The following CCDC178 variants were observed in gnomAD, a reference collection of about 807,000 sequenced individuals.
CCDC178 encodes the protein coiled-coil domain-containing protein 178.
Under a neutral mutation model 117.4 loss-of-function variants are expected in CCDC178, and 126 were observed. That is an observed-to-expected ratio of 1.07 (90% confidence interval 0.93 to 1.24). The LOEUF is 1.24. CCDC178 is among the 50% of genes most tolerant of loss of function. CCDC178 has a pLI of 0.00. For missense variants in CCDC178, 1,030 were observed against 986.9 expected, an observed-to-expected ratio of 1.04 and a Z score of -0.59; for synonymous variants, 283 against 313.4, an observed-to-expected ratio of 0.90 and a Z score of 1.02.
At chr18:33,438,603 C>T (rs1457477975) in intron 2 of CCDC178, among the ~76,000 whole-genome samples, 1 of 151,806 alleles carries the variant, frequency 6.6e-6, no homozygotes, top group Non-Finnish European at 1.5e-5. Context: ...CATGAAGTTA[C>T]CATGGCCATT....
chr18:33,372,897 C>G (rs909914860), intron 5 of CCDC178, among the ~76,000 whole-genome samples: 1 of 152,106 alleles, frequency 6.6e-6, no homozygotes, highest in African/African-American at 2.4e-5. Flanking sequence ...TACGTTACCC[C>G]AATTATTCTA....
chr18:33,300,490 G>A (rs1216429109), intron 11 of CCDC178, among the ~76,000 whole-genome samples: 1 of 152,134 alleles, frequency 6.6e-6, no homozygotes, highest in Non-Finnish European at 1.5e-5. Context: ...GGTGAGAGAA[G>A]GTTTGGAACT....
intron 20 of CCDC178, among the ~76,000 whole-genome samples, chr18:33,158,876 C>G (rs547739534): frequency 9.9e-5 from 15 of 152,098 alleles, no homozygotes; most frequent in African/African-American, 3.4e-4. Flanking sequence ...ATGGAAGACC[C>G]AGGCTTACCT....
chr18:33,312,536 C>T (rs2062357238), intron 11 of CCDC178, among the ~76,000 whole-genome samples: 1 of 152,104 alleles, frequency 6.6e-6, no homozygotes, highest in Non-Finnish European at 1.5e-5. Context: ...CGAGGAATTG[C>T]CCTAGGAGTA....
chr18:33,086,393 CATGT>C lies in CCDC178; in HGVS notation c.2388+6364_2388+6367del, dbSNP rs199934661. On this transcript the variant is annotated intron_variant, in intron 21 of 22. Coordinates refer to ENST00000383096, the MANE Select transcript of CCDC178 (RefSeq NM_001105528.4). Reference sequence around the variant, plus strand: ...TGTTTTATATATATGTACATATATACATGTATGTATATATACATATATAAATATA... The same window carrying C: ...TGTTTTATATATATGTACATATATACATGTATATATACATATATAAATATA... Among the ~76,000 whole-genome samples the C allele has an allele frequency of 6.0e-3, 898 of 149,808 alleles. 12 individuals are homozygous for C. Among genetic ancestry groups the C allele is most frequent in the African/African-American group, 0.021 (843 of 40,820 alleles).
chr18:33,347,415 T>C (rs1426414606), intron 8 of CCDC178, among the ~76,000 whole-genome samples: 3 of 152,170 alleles, frequency 2.0e-5, no homozygotes, highest in Non-Finnish European at 4.4e-5. Flanking sequence ...CCATTGGACT[T>C]GTCAAAGAAA....
At chr18:33,021,051 T>A (rs2056106446) in intron 21 of CCDC178, among the ~76,000 whole-genome samples, 3 of 152,162 alleles carry the variant, frequency 2.0e-5, no homozygotes. Context: ...CAAAAGCTAC[T>A]GCAATAAGGC....
At chr18:33,359,494 C>G (rs2063098930) in intron 6 of CCDC178, among the ~76,000 whole-genome samples, 1 of 151,452 alleles carries the variant, frequency 6.6e-6, no homozygotes. Flanking sequence ...CAGAGAAGGC[C>G]TACAATTCCA....
At chr18:33,186,299 T>C (rs2058794029) in intron 20 of CCDC178, among the ~76,000 whole-genome samples, 1 of 152,076 alleles carries the variant, frequency 6.6e-6, no homozygotes, top group African/African-American at 2.4e-5. Flanking sequence ...TGTGTGTGTG[T>C]GTATTTTAAA....
Position 33,346,327 on chromosome 18 carries a change from C to T in CCDC178, c.542G>A (p.Arg181Gln), listed in dbSNP as rs779422806. ...IRLIKSLETD[R>Q]ADAEEALKQQ... ...TTTTAAAGCTTCTTCAGCGTCTGCC[C>T]GGTCAGTTTCTAGACTTTTAATGAG... Residue 181 changes from arginine to glutamine, a missense_variant, in exon 9 of 23, where the codon CGG (arginine) becomes CAG (glutamine). By Grantham distance (43) the Arg-to-Gln change is conservative. Transcript: ENST00000383096. The T allele has an allele frequency of 2.7e-5, 43 of 1,613,150 alleles. No homozygotes were observed. Among genetic ancestry groups the T allele is most frequent in the African/African-American group, 2.3e-4 (17 of 74,846 alleles).
intron 21 of CCDC178, among the ~76,000 whole-genome samples, chr18:33,046,079 T>C (rs76978438): frequency 0.092 from 14,020 of 152,018 alleles, 901 homozygotes; most frequent in African/African-American, 0.18. Context: ...AAATAAAAAG[T>C]CTTATAATAT....
At chr18:32,977,703 T>A (rs915995369) in intron 21 of CCDC178, among the ~76,000 whole-genome samples, 4 of 152,196 alleles carry the variant, frequency 2.6e-5, no homozygotes, top group Non-Finnish European at 4.4e-5. Flanking sequence ...AAAAGTCACC[T>A]ACAGCAAAAT....
chr18:33,233,272 C>T (rs1455245648), intron 15 of CCDC178, among the ~76,000 whole-genome samples: 5 of 152,026 alleles, frequency 3.3e-5, no homozygotes, highest in Non-Finnish European at 7.4e-5. Flanking sequence ...GAATTGCTTT[C>T]CAGAAAGCTC....
intron 21 of CCDC178, among the ~76,000 whole-genome samples, chr18:33,088,815 G>A (rs139155629): frequency 6.6e-6 from 1 of 152,158 alleles, no homozygotes; most frequent in East Asian, 1.9e-4. Context: ...CATAGCATAT[G>A]CTTATCTGCA....
At chr18:33,077,130 A>G (rs2057222557) in intron 21 of CCDC178, among the ~76,000 whole-genome samples, 1 of 152,248 alleles carries the variant, frequency 6.6e-6, no homozygotes, top group Non-Finnish European at 1.5e-5. Flanking sequence ...AGATATTTAT[A>G]ATTGAAATAC....
chr18:33,122,175 G>C (rs1251082586), intron 20 of CCDC178, among the ~76,000 whole-genome samples: 1 of 152,072 alleles, frequency 6.6e-6, no homozygotes, highest in Non-Finnish European at 1.5e-5. Context: ...TATACATTTT[G>C]CAAAAAGCTA....
At chr18:33,050,143 T>C (rs1300912849) in intron 21 of CCDC178, among the ~76,000 whole-genome samples, 1 of 152,150 alleles carries the variant, frequency 6.6e-6, no homozygotes, top group East Asian at 1.9e-4. Flanking sequence ...TATTTATTTG[T>C]TTAATTTGTA....
intron 6 of CCDC178, among the ~76,000 whole-genome samples, chr18:33,359,722 T>C (rs919344533): frequency 2.0e-5 from 3 of 151,594 alleles, no homozygotes; most frequent in Non-Finnish European, 3.0e-5. Flanking sequence ...CAAGACTCCA[T>C]ACAATTCTCA....
At chr18:32,979,146 C>T (rs1484649877) in intron 21 of CCDC178, among the ~76,000 whole-genome samples, 1 of 151,594 alleles carries the variant, frequency 6.6e-6, no homozygotes, top group Non-Finnish European at 1.5e-5. Flanking sequence ...ATAATATCTG[C>T]ACTGAAAAAT....
Sources: gnomAD v4.1 joint callset for allele counts (sites outside exome capture counted in the v4.1 genomes callset) on GRCh38, gnomAD v4.1.1 for gene constraint, MANE v1.5 for transcripts, NCBI Gene and HGNC (gene_info 2026-07-23, HGNC 2026-07-21) for gene names.